RAPGEF6: variants seen among roughly 807,000 people sequenced by gnomAD.
RAPGEF6 encodes the protein Rap guanine nucleotide exchange factor 6.
A neutral mutation model predicts 171.4 loss-of-function variants in RAPGEF6; 56 were observed. The observed-to-expected ratio is 0.33, with a 90% CI of 0.26 to 0.41. The LOEUF (loss-of-function observed/expected upper bound fraction) is 0.41. RAPGEF6 is among the 10% of genes least tolerant of loss of function. The pLI is 1.00. For synonymous variants in RAPGEF6, 692 were observed against 650.1 expected, an observed-to-expected ratio of 1.06 and a Z score of -0.98; for missense variants, 1,674 against 1,921.4, an observed-to-expected ratio of 0.87 and a Z score of 2.41.
At chr5:131,589,800 T>C (rs1763482471) in intron 4 of RAPGEF6, among the ~76,000 whole-genome samples, 1 of 152,172 alleles carries the variant, frequency 6.6e-6, no homozygotes, top group Admixed American at 6.5e-5. Context: ...TCAGGGGCCA[T>C]CTGCATCCTG....
chr5:131,504,490 A>G, intron 11 of RAPGEF6, 136 bp downstream of exon 11: 1 of 966,416 alleles, frequency 1.0e-6, no homozygotes, highest in East Asian at 2.8e-5. Flanking sequence ...AGAGAAAGAC[A>G]AAGAGTCAAC....
chr5:131,616,735 T>C (rs1765285289), intron 1 of RAPGEF6, among the ~76,000 whole-genome samples: 1 of 151,936 alleles, frequency 6.6e-6, no homozygotes. Flanking sequence ...CAGGCTCAAG[T>C]GATCCTCCCT....
chr5:131,625,922 A>AGTCTACCT (rs1765899990), intron 1 of RAPGEF6, among the ~76,000 whole-genome samples: 1 of 152,110 alleles, frequency 6.6e-6, no homozygotes, highest in Non-Finnish European at 1.5e-5. Flanking sequence ...ATACATGTCC[A>AGTCTACCT]GTCTACCTGT....
At chr5:131,577,819 C>T (rs28843448) in intron 4 of RAPGEF6, among the ~76,000 whole-genome samples, 1 of 152,126 alleles carries the variant, frequency 6.6e-6, no homozygotes, top group Non-Finnish European at 1.5e-5. Flanking sequence ...CTTAAACTCA[C>T]TCGCATTTCT....
intron 4 of RAPGEF6, among the ~76,000 whole-genome samples, chr5:131,589,921 G>T (rs1306004538): frequency 6.6e-6 from 1 of 152,124 alleles, no homozygotes; most frequent in African/African-American, 2.4e-5. Context: ...CCCAGTGAAT[G>T]TCTCTGCTAT....
rs142672973 is a variant in RAPGEF6, at chr5:131,625,185, C to G, written c.69+9777G>C. Among the ~76,000 whole-genome samples the G allele has an allele frequency of 3.2e-3, 488 of 152,256 alleles. 3 individuals are homozygous for G. Among genetic ancestry groups the G allele is most frequent in the African/African-American group, 0.011 (464 of 41,532 alleles). ...GCTGAGGCAGGAGAATCCCTTGAAC[C>G]CGGGAGGCAGAGGTTGCGGTGAGCT... On this transcript the variant is annotated intron_variant, in intron 1 of 27. Coordinates refer to ENST00000509018, the MANE Select transcript of RAPGEF6 (RefSeq NM_016340.6).
chr5:131,635,169 C>A lies in RAPGEF6; in HGVS notation c.-139G>T. 1 of 821,768 alleles carries A rather than the reference C, an allele frequency of 1.2e-6. No homozygotes were observed. Among genetic ancestry groups the A allele is most frequent in the Non-Finnish European group, 1.8e-6 (1 of 543,738 alleles). The allele number at this position is 821,768 out of a possible 1,614,324, so 50.9% of individuals were successfully genotyped here. A position where few individuals can be genotyped will look rare whatever the true frequency, so the allele number is the denominator to read the frequency against. On this transcript the variant is annotated 5_prime_UTR_variant, in exon 1 of 28. Transcript: ENST00000509018. ...GTAACAAGGTCCGAACTCTAGCAAA[C>A]AACCCTTCGCAACGCCCGCCTAAGG...
intron 7 of RAPGEF6, among the ~76,000 whole-genome samples, chr5:131,512,267 G>A (rs1395842331): frequency 2.0e-5 from 3 of 152,158 alleles, no homozygotes; most frequent in Non-Finnish European, 4.4e-5. Context: ...GAAACAGGCA[G>A]ACGGGGCAGA....
In RAPGEF6 at chr5:131,431,301, C is replaced by A. The variant is rs764135751; in HGVS notation, c.4023G>T (p.Ser1341=). ...GAGAAATCTCTTCATTGCTCACAGA[C>A]GATGAGACAGCTAAACACTTGATTA... ...PSLIKCLAVS[S]SVSNEEISQE... The change falls in exon 26 of 28, where the codon TCG becomes TCT. Residue 1341 remains serine, a synonymous_variant. Transcript: ENST00000509018. 4 of 1,612,708 alleles carry A rather than the reference C, an allele frequency of 2.5e-6. No homozygotes were observed. The Admixed American group carries it at 6.7e-5, about 27-fold the overall frequency.
At chr5:131,623,477 C>CATTTTT (rs1554088737) in intron 1 of RAPGEF6, among the ~76,000 whole-genome samples, 7,061 of 113,232 alleles carry the variant, frequency 0.062, 341 homozygotes, top group African/African-American at 0.17. Context: ...TTTCACATTG[C>CATTTTT]TTTTTTTTTT....
At chr5:131,633,991 A>G (rs1405390295) in intron 1 of RAPGEF6, among the ~76,000 whole-genome samples, 1 of 152,230 alleles carries the variant, frequency 6.6e-6, no homozygotes, top group African/African-American at 2.4e-5. Flanking sequence ...CTTCAATAAC[A>G]TAATTTGACC....
chr5:131,590,508 G>A (rs1053396206), intron 4 of RAPGEF6, among the ~76,000 whole-genome samples: 2 of 152,176 alleles, frequency 1.3e-5, no homozygotes, highest in Non-Finnish European at 2.9e-5. Flanking sequence ...TATATGCTAA[G>A]CATTATTCCA....
intron 4 of RAPGEF6, among the ~76,000 whole-genome samples, chr5:131,566,770 T>C (rs890601815): frequency 1.3e-5 from 2 of 151,828 alleles, no homozygotes; most frequent in African/African-American, 4.8e-5. Context: ...GTAATGTATG[T>C]CTTTGCAAGA....
intron 24 of RAPGEF6, among the ~76,000 whole-genome samples, chr5:131,437,687 GT>G (rs1752103405): frequency 6.6e-6 from 1 of 152,126 alleles, no homozygotes; most frequent in African/African-American, 2.4e-5. Flanking sequence ...TATACAAACT[GT>G]TTTTATCTCC....
In RAPGEF6 at chr5:131,492,675, AAGGCTGAATTGTAG is replaced by A; in HGVS notation, c.1624_1637del (p.Leu542Ter). 1 of 1,614,126 alleles carries A rather than the reference AAGGCTGAATTGTAG, an allele frequency of 6.2e-7. No individual in the cohort carries two copies. Among genetic ancestry groups the A allele is most frequent in the Non-Finnish European group, 8.5e-7 (1 of 1,180,012 alleles). On this transcript the variant is annotated frameshift_variant, in exon 14 of 28. Coordinates refer to ENST00000509018, the MANE Select transcript of RAPGEF6 (RefSeq NM_016340.6). LOFTEE classifies it high-confidence loss of function. ...CAAATCCCTTCTCACTCCCTCCATT[AAGGCTGAATTGTAG>A]AGGGGACTCGCGGGAAGCCTTTTGC... is the stretch of plus-strand genomic sequence containing the variant.
At chr5:131,505,252 C>T in intron 10 of RAPGEF6, 112 bp downstream of exon 10, 1 of 1,010,508 alleles carries the variant, frequency 9.9e-7, no homozygotes, top group Non-Finnish European at 1.5e-6. Context: ...TAACTGTGAG[C>T]TATTGAAACT....
intron 6 of RAPGEF6, among the ~76,000 whole-genome samples, chr5:131,546,684 T>C (rs1332170456): frequency 6.6e-6 from 1 of 152,102 alleles, no homozygotes; most frequent in African/African-American, 2.4e-5. Context: ...AATTATAGCA[T>C]ATTATTATAA....
At chr5:131,454,913 G>T (rs1283955124) in intron 20 of RAPGEF6, among the ~76,000 whole-genome samples, 1 of 152,204 alleles carries the variant, frequency 6.6e-6, no homozygotes, top group Non-Finnish European at 1.5e-5. Context: ...ATTAACAGTG[G>T]AAGGCACAGA....
intron 5 of RAPGEF6, among the ~76,000 whole-genome samples, chr5:131,550,398 T>C (rs373254673): frequency 6.6e-6 from 1 of 152,224 alleles, no homozygotes; most frequent in African/African-American, 2.4e-5. Context: ...TTATCTTACA[T>C]GTACAATCCT....
Sources: gnomAD v4.1 joint callset for allele counts (sites outside exome capture counted in the v4.1 genomes callset) on GRCh38, gnomAD v4.1.1 for gene constraint, MANE v1.5 for transcripts, NCBI Gene and HGNC (gene_info 2026-07-23, HGNC 2026-07-21) for gene names.